Variants in NUP214 observed in about 807,000 individuals in gnomAD.
NUP214 encodes nucleoporin 214.
A neutral mutation model predicts 196.2 loss-of-function variants in NUP214; 79 were observed. The observed-to-expected ratio is 0.40, with a 90% CI of 0.34 to 0.49. The LOEUF is 0.49. NUP214 is among the 20% of genes least tolerant of loss of function. NUP214 has a pLI of 0.58. For synonymous variants in NUP214, 1,020 were observed against 990.5 expected, an observed-to-expected ratio of 1.03 and a Z score of -0.56; for missense variants, 2,468 against 2,539.0, an observed-to-expected ratio of 0.97 and a Z score of 0.60.
At chr9:131,151,158 A>G (rs543651092) in intron 16 of NUP214, among the ~76,000 whole-genome samples, 11 of 152,364 alleles carry the variant, frequency 7.2e-5, no homozygotes, top group African/African-American at 2.4e-4. Flanking sequence ...CAGTATGAAA[A>G]TATTAAATGC....
chr9:131,203,724 C>G (rs1323145338), intron 30 of NUP214, among the ~76,000 whole-genome samples: 1 of 152,124 alleles, frequency 6.6e-6, no homozygotes, highest in African/African-American at 2.4e-5. Flanking sequence ...CTAGATAAAA[C>G]ATAAAAACCT....
At position 131,146,367 on chromosome 9, in the gene NUP214, T is replaced by C. The variant is rs1003935997; in HGVS notation, c.1945+63T>C. ...GCCTTCTCAGATTAACGGTTTTAAG[T>C]GTTAAGAGTCGTAGCTAACATAGTT... On this transcript the variant is annotated intron_variant, in intron 13 of 35. Transcript: ENST00000359428. The surrounding 1 kb of genome is among the most constrained non-coding windows in gnomAD (Gnocchi z 4.6). 5.3e-6 allele frequency: 8 copies of C among 1,511,922 alleles called. No individual in the cohort carries two copies. Among genetic ancestry groups the C allele is most frequent in the Non-Finnish European group, 6.4e-6 (7 of 1,094,702 alleles). 93.7% of individuals were successfully genotyped at this position (1,511,922 alleles called of 1,614,324 possible). A position where few individuals can be genotyped will look rare whatever the true frequency, so the allele number is the denominator to read the frequency against.
Position 131,233,857 on chromosome 9 carries a change from A to T in NUP214, c.*370A>T. ...GTCGGGTGTTGATAAACAGCATCGA[A>T]TGTGCCGTGGTCTCACTTGGACCTA... On this transcript the variant is annotated 3_prime_UTR_variant, in exon 36 of 36. Coordinates refer to ENST00000359428, the MANE Select transcript of NUP214 (RefSeq NM_005085.4). 1 of 402,726 alleles carries T rather than the reference A, an allele frequency of 2.5e-6. No homozygotes were observed. The highest frequency in any genetic ancestry group is 4.4e-5 in the East Asian group (1 of 22,812). 24.9% of individuals were successfully genotyped at this position (402,726 alleles called of 1,614,324 possible).
intron 33 of NUP214, chr9:131,228,864 T>C (rs1163389072): frequency 6.6e-6 from 1 of 152,276 alleles, no homozygotes; most frequent in Non-Finnish European, 1.5e-5. Context: ...TCGAAGCTGC[T>C]CTCATTGCCT....
Position 131,137,142 on chromosome 9 carries a change from T to C in NUP214, c.1005+1136T>C, listed in dbSNP as rs570114306. ...TAGATTGACCTCAGTAATAATTTCT[T>C]ATTAGTACAAGTATTTCATATGTTC... On this transcript the variant is annotated intron_variant, in intron 9 of 35. Transcript: ENST00000359428. Among the ~76,000 whole-genome samples, 9 of 152,236 alleles carry C rather than the reference T, an allele frequency of 5.9e-5. No individual in the cohort carries two copies. The South Asian group carries it at 1.9e-3, about 31-fold the overall frequency.
At chr9:131,216,817 G>A (rs528776977) in intron 31 of NUP214, among the ~76,000 whole-genome samples, 8 of 152,246 alleles carry the variant, frequency 5.3e-5, no homozygotes, top group Admixed American at 1.3e-4. Flanking sequence ...GTGAGCCACC[G>A]TGCTCGGCCT....
intron 27 of NUP214, among the ~76,000 whole-genome samples, chr9:131,193,647 T>TTTTTTC (rs1833685914): frequency 1.8e-5 from 2 of 109,860 alleles, no homozygotes; most frequent in Non-Finnish European, 3.8e-5. Context: ...TTTTTTTTTT[T>TTTTTTC]TTTTTTTTTT....
chr9:131,192,904 G>GTACTCCA (rs1564202633), intron 27 of NUP214, among the ~76,000 whole-genome samples: 1 of 115,092 alleles, frequency 8.7e-6, no homozygotes, highest in Non-Finnish European at 1.6e-5. Context: ...TCACACCATT[G>GTACTCCA]TACTCCAGCC....
intron 26 of NUP214, chr9:131,191,602 C>T (rs1482466058): frequency 6.6e-6 from 1 of 152,088 alleles, no homozygotes; most frequent in African/African-American, 2.4e-5. Flanking sequence ...TGCATGTCTC[C>T]ATATTATAGC....
intron 24 of NUP214, among the ~76,000 whole-genome samples, chr9:131,179,318 A>G (rs1028112749): frequency 6.6e-6 from 1 of 152,228 alleles, no homozygotes; most frequent in Non-Finnish European, 1.5e-5. Context: ...ATTTGTCTTT[A>G]GTCCTCATCT....
rs202116395 is a variant in NUP214, at chr9:131,144,574, T to C, written c.1589T>C (p.Leu530Pro). The C allele has an allele frequency of 5.6e-5, 90 of 1,613,926 alleles. No individual in the cohort carries two copies. In the African/African-American group the frequency reaches 9.3e-4, roughly 17 times the overall value. ...TTTGTTCCCCCTTCTAAAGCCTCCCTAGCCCCCACCCCTGCAGCGTCTCCT... is the reference window on the plus strand; with the variant it reads ...TTTGTTCCCCCTTCTAAAGCCTCCCCAGCCCCCACCCCTGCAGCGTCTCCT... ...FSFVPPSKAS[L>P]APTPAASPVA... The change falls in exon 12 of 36, where the codon CTA (leucine) becomes CCA (proline). Residue 530 changes from leucine to proline, a missense_variant. Leu to Pro is a moderately conservative substitution (Grantham distance 98). Around this residue, in one of 5 missense-constraint regions of NUP214, gnomAD observed 1,801 missense variants for 1,779.4 expected, o/e 1.01. Coordinates refer to ENST00000359428, the MANE Select transcript of NUP214 (RefSeq NM_005085.4).
intron 5 of NUP214, among the ~76,000 whole-genome samples, chr9:131,132,200 A>C (rs1831574006): frequency 6.9e-6 from 1 of 145,324 alleles, no homozygotes; most frequent in African/African-American, 2.6e-5. Flanking sequence ...GCTCACCGCA[A>C]CCTATGCCTC....
At chr9:131,229,607 A>G in intron 33 of NUP214, 5 of 433,836 alleles carry the variant, frequency 1.2e-5, no homozygotes, top group South Asian at 1.7e-5. Flanking sequence ...GTCCTAAAAA[A>G]GGTTAATGCC....
At chr9:131,129,573 T>C in intron 4 of NUP214, 96 bp downstream of exon 4, 1 of 1,273,524 alleles carries the variant, frequency 7.9e-7, no homozygotes, top group Non-Finnish European at 1.1e-6. Context: ...TTTTGTGTTT[T>C]GGTTTTTTTT....
At chr9:131,176,622 C>T (rs1413679423) in intron 23 of NUP214, among the ~76,000 whole-genome samples, 2 of 152,186 alleles carry the variant, frequency 1.3e-5, no homozygotes, top group African/African-American at 2.4e-5. Context: ...AGCCACTGCT[C>T]CTGACCAAAG....
intron 31 of NUP214, among the ~76,000 whole-genome samples, chr9:131,215,782 T>G (rs1834376191): frequency 6.6e-6 from 1 of 152,174 alleles, no homozygotes; most frequent in African/African-American, 2.4e-5. Flanking sequence ...TTCCTTAAAA[T>G]TCAGCTCCTG....
At chr9:131,162,214 C>A (rs183296648) in intron 18 of NUP214, among the ~76,000 whole-genome samples, 1 of 152,240 alleles carries the variant, frequency 6.6e-6, no homozygotes, top group Admixed American at 6.5e-5. Flanking sequence ...ATAGGATCAT[C>A]GTTGTATATG....
At chr9:131,196,220 G>GC (rs2131042372) in intron 28 of NUP214, among the ~76,000 whole-genome samples, 1 of 151,842 alleles carries the variant, frequency 6.6e-6, no homozygotes, top group African/African-American at 2.4e-5. Flanking sequence ...GTGTAATGGC[G>GC]CAATTGCAGT....
At chr9:131,151,330 G>C (rs1383635121) in intron 16 of NUP214, among the ~76,000 whole-genome samples, 1 of 152,170 alleles carries the variant, frequency 6.6e-6, no homozygotes. Context: ...TGAGGCTTAG[G>C]CAAATTTGTC....
Sources: allele counts gnomAD v4.1 joint callset (sites outside exome capture counted in the v4.1 genomes callset), GRCh38; gene constraint gnomAD v4.1.1; regional missense constraint gnomAD v4.1.1; non-coding constraint Gnocchi (gnomAD v3.1); transcripts MANE v1.5; gene names NCBI Gene and HGNC (gene_info 2026-07-23, HGNC 2026-07-21).